Variants in PLEKHB1 observed in about 807,000 individuals in gnomAD.
PLEKHB1 encodes pleckstrin homology domain containing B1, also known as pleckstrin homology domain-containing family B member 1.
A neutral mutation model predicts 36.2 loss-of-function variants in PLEKHB1; 29 were observed. The observed-to-expected ratio is 0.80, with a 90% confidence interval of 0.60 to 1.09. PLEKHB1 has a LOEUF of 1.09. PLEKHB1 is among the 50% of genes least tolerant of loss of function. The pLI, the probability that PLEKHB1 is intolerant of heterozygous loss-of-function variation, is 0.00. For synonymous variants in PLEKHB1, 138 were observed against 140.0 expected, an observed-to-expected ratio of 0.99 and a Z score of 0.10; for missense variants, 330 against 348.2, an observed-to-expected ratio of 0.95 and a Z score of 0.42.
intron 7 of PLEKHB1, 144 bp downstream of exon 7, chr11:73,660,996 C>A: frequency 1.3e-6 from 1 of 759,034 alleles, no homozygotes; most frequent in Non-Finnish European, 2.2e-6. Context: ...GCAAGCCCCT[C>A]TCCATCCTGA....
Position 73,646,645 on chromosome 11 carries a change from G to A in PLEKHB1, c.18+19G>A. 1 of 1,551,488 alleles carries A rather than the reference G, an allele frequency of 6.4e-7. No homozygotes were observed. The highest frequency in any genetic ancestry group is 8.7e-7 in the Non-Finnish European group (1 of 1,147,000). On this transcript the variant is annotated intron_variant, in intron 1 of 7. Transcript: ENST00000354190. ...AGCCCCGGTAAGGAAGAGTTCTCTG[G>A]GACAGGAGGAAGGGCCCAGGGCAGG...
At position 73,650,565 on chromosome 11, in the gene PLEKHB1, G is replaced by A. The variant is rs200815196; in HGVS notation, c.107G>A (p.Arg36His). Reference sequence around the variant, plus strand: ...GAATATCGTACAGGCTCCATCCTCCGCCGCTGGAAGCGGAACTGGTTTGCC... The same window carrying A: ...GAATATCGTACAGGCTCCATCCTCCACCGCTGGAAGCGGAACTGGTTTGCC... ...GWLWRQSSIL[R>H]RWKRNWFALW... Residue 36 changes from arginine (R) to histidine (H), a missense_variant, in exon 3 of 8, where the codon CGC becomes CAC. By Grantham distance (29) the Arg-to-His change is conservative. Coordinates refer to ENST00000354190, the MANE Select transcript of PLEKHB1 (RefSeq NM_021200.3). 152 of 1,611,414 alleles carry A rather than the reference G, an allele frequency of 9.4e-5. No homozygotes were observed. Among genetic ancestry groups the A allele is most frequent in the Middle Eastern group, 6.6e-4 (4 of 6,060 alleles).
At chr11:73,652,738 G>A in intron 4 of PLEKHB1, 1 of 478,264 alleles carries the variant, frequency 2.1e-6, no homozygotes, top group East Asian at 3.2e-5. Flanking sequence ...GTATAGATGA[G>A]GAAACTGGAA....
chr11:73,653,588 G>A (rs1299575044), intron 5 of PLEKHB1: 2 of 393,684 alleles, frequency 5.1e-6, no homozygotes, highest in Non-Finnish European at 1.0e-5. Context: ...GCAGTGTCTG[G>A]CCCTTTCATC....
rs1162922395 is a variant in PLEKHB1 at position 73,662,287 on chromosome 11, C to A, written c.*685C>A. The A allele has an allele frequency of 6.6e-6, 1 of 152,192 alleles. No homozygotes were observed. The highest frequency in any genetic ancestry group is 1.5e-5 in the Non-Finnish European group (1 of 68,060). 9.4% of individuals were successfully genotyped at this position (152,192 alleles called of 1,614,324 possible). A position where few individuals can be genotyped will look rare whatever the true frequency, so the allele number is the denominator to read the frequency against. ...ATTGCATCTATAATGAATATATTGC[C>A]TGTTTTGTGAATACTGACACATGTC... On this transcript the variant is annotated 3_prime_UTR_variant, in exon 8 of 8. Transcript: ENST00000354190.
At chr11:73,653,489 CA>C (rs1462017498) in intron 5 of PLEKHB1, 2 of 460,380 alleles carry the variant, frequency 4.3e-6, no homozygotes, top group South Asian at 3.1e-5. Context: ...GGGCTCTGCC[CA>C]CCTGGACTCA....
chr11:73,654,358 C>T (rs1397086822), intron 5 of PLEKHB1, among the ~76,000 whole-genome samples: 1 of 152,162 alleles, frequency 6.6e-6, no homozygotes, highest in African/African-American at 2.4e-5. Flanking sequence ...AGAGAAAGTC[C>T]GTTGGGAAGT....
Position 73,652,058 on chromosome 11 carries a change from A to G in PLEKHB1, c.350+168A>G, listed in dbSNP as rs910095808. On this transcript the variant is annotated intron_variant, in intron 4 of 7. Transcript: ENST00000354190. ...GAGTGGATTTGAAGGGCTTGTGGTG[A>G]CTGGCATGGCACACAGTGAACTCCT... is the stretch of plus-strand genomic sequence containing the variant. The G allele has an allele frequency of 1.1e-5, 7 of 621,782 alleles. No homozygotes were observed. In the African/African-American group the frequency reaches 1.3e-4, roughly 11 times the overall value. The allele number at this position is 621,782 out of a possible 1,614,324, so 38.5% of individuals were successfully genotyped here.
At chr11:73,650,334 C>A (rs999874236) in intron 2 of PLEKHB1, among the ~76,000 whole-genome samples, 2 of 152,206 alleles carry the variant, frequency 1.3e-5, no homozygotes, top group Non-Finnish European at 2.9e-5. Flanking sequence ...TTTCCCTGTT[C>A]AGCACGTGTA....
chr11:73,651,118 A>T (rs1416038296), intron 3 of PLEKHB1, among the ~76,000 whole-genome samples: 1 of 151,852 alleles, frequency 6.6e-6, no homozygotes, highest in Non-Finnish European at 1.5e-5. Flanking sequence ...GTACTTTGAG[A>T]GGCATGTAGA....
chr11:73,658,413 C>T (rs558013261), intron 6 of PLEKHB1, among the ~76,000 whole-genome samples: 1 of 152,166 alleles, frequency 6.6e-6, no homozygotes, highest in South Asian at 2.1e-4. Context: ...TCCTACTCAG[C>T]AACTCCTCTG....
intron 1 of PLEKHB1, chr11:73,647,555 C>G (rs1944791303): frequency 7.1e-6 from 7 of 985,524 alleles, no homozygotes; most frequent in Non-Finnish European, 8.4e-6. Context: ...CGTCACTCCC[C>G]CTCCCTGGGG....
chr11:73,661,691 CCCA>C lies in PLEKHB1; in HGVS notation c.*91_*93del. The C allele has an allele frequency of 6.8e-7, 1 of 1,463,902 alleles. No individual in the cohort carries two copies. The allele number at this position is 1,463,902 out of a possible 1,614,324, so 90.7% of individuals were successfully genotyped here. On this transcript the variant is annotated 3_prime_UTR_variant, in exon 8 of 8. Coordinates refer to ENST00000354190, the MANE Select transcript of PLEKHB1 (RefSeq NM_021200.3). This position sits in a 1 kb window ranked among gnomAD's most constrained non-coding sequence, Gnocchi z 4.6. ...CCATCCTCTACCATCCAAGCCCTGT[CCCA>C]CTTTGGCCCTATCCTCTCCATTAGC... is the stretch of plus-strand genomic sequence containing the variant.
rs1365170719 is a variant in PLEKHB1 at position 73,661,465 on chromosome 11, G to A, written c.596-1G>A. On this transcript the variant is annotated splice_acceptor_variant, in intron 7 of 7. Transcript: ENST00000354190. LOFTEE classifies it high-confidence loss of function. This position sits in a 1 kb window ranked among gnomAD's most constrained non-coding sequence, Gnocchi z 4.6. ...TCCTCATGGGCTGTCTCCCTCTGCA[G>A]GCCCTGGCGTGACGCACGTGATAGT... 1 of 1,613,670 alleles carries A rather than the reference G, an allele frequency of 6.2e-7. No individual in the cohort carries two copies. The highest frequency in any genetic ancestry group is 2.2e-5 in the East Asian group (1 of 44,876).
intron 6 of PLEKHB1, among the ~76,000 whole-genome samples, chr11:73,658,971 C>T (rs1945050991): frequency 6.6e-6 from 1 of 152,114 alleles, no homozygotes; most frequent in South Asian, 2.1e-4. Flanking sequence ...ATTTATGGGG[C>T]TGGGTACTTT....
chr11:73,660,964 A>AT, intron 7 of PLEKHB1, 112 bp downstream of exon 7: 1 of 1,001,838 alleles, frequency 1.0e-6, no homozygotes, highest in Non-Finnish European at 1.5e-6. Flanking sequence ...GCGTGCACGG[A>AT]TTTTCCCAGG....
chr11:73,648,502 T>C (rs1180991865), intron 1 of PLEKHB1, among the ~76,000 whole-genome samples: 3 of 152,206 alleles, frequency 2.0e-5, no homozygotes, highest in Non-Finnish European at 2.9e-5. Flanking sequence ...ACAGCTCTAG[T>C]GGGGTCCAAA....
chr11:73,650,721 T>C lies in PLEKHB1; in HGVS notation c.247+16T>C. 1.9e-6 allele frequency: 3 copies of C among 1,587,428 alleles called. No individual in the cohort carries two copies. Among genetic ancestry groups the C allele is most frequent in the South Asian group, 1.1e-5 (1 of 86,978 alleles). On this transcript the variant is annotated intron_variant, in intron 3 of 7. Coordinates refer to ENST00000354190, the MANE Select transcript of PLEKHB1 (RefSeq NM_021200.3). ...GAGTGCCATGGTGAGCAGAAGCCCC[T>C]TCCTCTGTGGCACCGTGACTGTGGG...
At chr11:73,647,727 A>C in intron 1 of PLEKHB1, 1 of 985,542 alleles carries the variant, frequency 1.0e-6, no homozygotes, top group Non-Finnish European at 1.2e-6. Context: ...ATCCGCAACA[A>C]GTGTAGACAA....
Sources: allele counts gnomAD v4.1 joint callset (sites outside exome capture counted in the v4.1 genomes callset), GRCh38; gene constraint gnomAD v4.1.1; non-coding constraint Gnocchi (gnomAD v3.1); transcripts MANE v1.5; gene names NCBI Gene and HGNC (gene_info 2026-07-23, HGNC 2026-07-21).